ALB: variants seen among roughly 807,000 people sequenced by gnomAD.
ALB encodes the protein serum albumin.
In ALB, 37 loss-of-function variants were observed where a neutral mutation model predicts 74.5. The observed-to-expected ratio is 0.50, with a 90% CI of 0.38 to 0.65. The LOEUF (loss-of-function observed/expected upper bound fraction) is 0.65. Ranked by LOEUF, ALB falls within the 30% of genes least tolerant of loss-of-function variation. ALB has a pLI of 0.00. For missense variants in ALB, 685 were observed against 718.7 expected, an observed-to-expected ratio of 0.95 and a Z score of 0.54; for synonymous variants, 249 against 251.6, an observed-to-expected ratio of 0.99 and a Z score of 0.10.
intron 3 of ALB, among the ~76,000 whole-genome samples, chr4:73,407,672 A>G (rs1718767213): frequency 6.6e-6 from 1 of 152,222 alleles, no homozygotes; most frequent in Non-Finnish European, 1.5e-5. Flanking sequence ...GTGGAATAAT[A>G]GTACAGCTAT....
intron 2 of ALB, among the ~76,000 whole-genome samples, chr4:73,405,954 A>G (rs1004881299): frequency 1.3e-5 from 2 of 151,714 alleles, no homozygotes; most frequent in Admixed American, 1.3e-4. Context: ...ACCTAATCCT[A>G]CAGGCTAATT....
chr4:73,417,725 A>G, intron 11 of ALB, 56 bp downstream of exon 11: 11 of 1,410,916 alleles, frequency 7.8e-6, no homozygotes, highest in Non-Finnish European at 9.6e-6. Flanking sequence ...ACCTTTAGAT[A>G]TTGATAATGC....
chr4:73,418,585 A>T (rs1386445381), intron 12 of ALB, among the ~76,000 whole-genome samples: 2 of 152,244 alleles, frequency 1.3e-5, no homozygotes, highest in East Asian at 1.9e-4. Context: ...GTAGAAAAAG[A>T]TGAACAATTA....
Position 73,415,137 on chromosome 4 carries a change from T to C in ALB, c.1161T>C (p.Ala387=). ...YETTLEKCCA[A]ADPHECYAKV... is the part of the protein sequence containing the mutation. ...CCACTCTAGAGAAGTGCTGTGCCGC[T>C]GCAGATCCTCATGAATGCTATGCCA... The change falls in exon 9 of 15, where the codon GCT becomes GCC. Residue 387 remains alanine (A), a synonymous_variant. Coordinates refer to ENST00000295897, the MANE Select transcript of ALB (RefSeq NM_000477.7). 2 of 1,614,166 alleles carry C rather than the reference T, an allele frequency of 1.2e-6. No individual in the cohort carries two copies. Among genetic ancestry groups the C allele is most frequent in the Non-Finnish European group, 1.7e-6 (2 of 1,180,014 alleles).
chr4:73,420,948 C>T (rs1030053158), intron 14 of ALB, 144 bp from the exon 15 acceptor site: 22 of 524,184 alleles, frequency 4.2e-5, no homozygotes, highest in Non-Finnish European at 6.0e-5. Context: ...ATTCAGCAGC[C>T]GTAAGTCTAG....
At chr4:73,415,413 T>C (rs1378271867) in intron 9 of ALB, 2 of 459,652 alleles carry the variant, frequency 4.4e-6, no homozygotes, top group East Asian at 4.0e-5. Flanking sequence ...TTTTTTTCTC[T>C]TTTTCACAAT....
At chr4:73,418,436 T>G in intron 12 of ALB, 125 bp downstream of exon 12, 2 of 846,434 alleles carry the variant, frequency 2.4e-6, no homozygotes, top group South Asian at 2.9e-5. Flanking sequence ...AGTGTTGCCC[T>G]TATTATGCTG....
intron 3 of ALB, 111 bp from the exon 4 acceptor site, chr4:73,408,483 A>G (rs2149327396): frequency 1.0e-6 from 1 of 962,448 alleles, no homozygotes; most frequent in East Asian, 2.6e-5. Context: ...GCGGATTTTT[A>G]AATGATTTCC....
chr4:73,413,807 A>G (rs971217844), intron 8 of ALB, among the ~76,000 whole-genome samples, 173 bp downstream of exon 8: 4 of 152,192 alleles, frequency 2.6e-5, no homozygotes, highest in Non-Finnish European at 5.9e-5. Context: ...AGTTGAATAC[A>G]TTGTCATAAA....
Position 73,417,565 on chromosome 4 carries a change from G to A in ALB, c.1324G>A (p.Val442Met), listed in dbSNP as rs1257438609. Reference sequence around the variant, plus strand: ...TCGTTACACCAAGAAAGTACCCCAAGTGTCAACTCCAACTCTTGTAGAGGT... The same window carrying A: ...TCGTTACACCAAGAAAGTACCCCAAATGTCAACTCCAACTCTTGTAGAGGT... ...LVRYTKKVPQ[V>M]STPTLVEVSR... The change falls in exon 11 of 15, where the codon GTG becomes ATG. Residue 442 changes from valine to methionine, a missense_variant. Physicochemically the swap from Val to Met is conservative, Grantham distance 21. Transcript: ENST00000295897. The A allele has an allele frequency of 1.2e-6, 2 of 1,613,864 alleles. No individual in the cohort carries two copies. The highest frequency in any genetic ancestry group is 2.2e-5 in the East Asian group (1 of 44,850).
At position 73,421,093 on chromosome 4, in the gene ALB, C is replaced by T. The variant is rs1236737991; in HGVS notation, c.*25C>T. The T allele has an allele frequency of 1.4e-6, 1 of 691,976 alleles. No homozygotes were observed. The highest frequency in any genetic ancestry group is 2.7e-5 in the East Asian group (1 of 36,788). The allele number at this position is 691,976 out of a possible 1,614,324, so 42.9% of individuals were successfully genotyped here. On this transcript the variant is annotated splice_region_variant and 3_prime_UTR_variant, in exon 15 of 15. Coordinates refer to ENST00000295897, the MANE Select transcript of ALB (RefSeq NM_000477.7). ...TATATTTGTCCTTTTGTTTTTCAGC[C>T]TACCATGAGAATAAGAGAAAGAAAA... is the stretch of plus-strand genomic sequence containing the variant.
chr4:73,411,896 T>C (rs1459345274), intron 6 of ALB, 100 bp from the exon 7 acceptor site: 2 of 1,446,864 alleles, frequency 1.4e-6, no homozygotes, highest in Non-Finnish European at 1.9e-6. Flanking sequence ...TATTTCTGTA[T>C]GTCCATTTTG....
chr4:73,416,596 C>T (rs955697494), intron 10 of ALB, among the ~76,000 whole-genome samples: 1 of 151,956 alleles, frequency 6.6e-6, no homozygotes, highest in African/African-American at 2.4e-5. Context: ...AGGGTAAATA[C>T]CAAATCTTGG....
intron 3 of ALB, 77 bp from the exon 4 acceptor site, chr4:73,408,517 A>C: frequency 7.7e-7 from 1 of 1,291,134 alleles, no homozygotes; most frequent in Non-Finnish European, 1.1e-6. Context: ...CCAGTATATT[A>C]AATCCTTTGT....
chr4:73,414,946 T>C (rs573591280), intron 8 of ALB, 89 bp from the exon 9 acceptor site: 1 of 1,518,844 alleles, frequency 6.6e-7, no homozygotes, highest in South Asian at 1.1e-5. Flanking sequence ...TTAAGACTTT[T>C]GGAATATGAG....
chr4:73,420,766 T>C (rs1462043902), intron 14 of ALB: 1 of 307,250 alleles, frequency 3.3e-6, no homozygotes, highest in Non-Finnish European at 6.0e-6. Flanking sequence ...TTCAACCTAA[T>C]AGTTCAACTC....
chr4:73,412,185 C>T (rs1483421016), intron 7 of ALB, 60 bp downstream of exon 7: 19 of 1,599,436 alleles, frequency 1.2e-5, no homozygotes, highest in African/African-American at 4.0e-5. Context: ...AGAATGGATG[C>T]GTTTGGTATC....
rs1719008018 is a variant in ALB at position 73,416,190 on chromosome 4, G to A, written c.1192-66G>A. 3 of 1,223,412 alleles carry A rather than the reference G, an allele frequency of 2.5e-6. No homozygotes were observed. The Admixed American group carries it at 5.3e-5, about 21-fold the overall frequency. The allele number at this position is 1,223,412 out of a possible 1,614,324, so 75.8% of individuals were successfully genotyped here. On this transcript the variant is annotated intron_variant, in intron 9 of 14. Transcript: ENST00000295897. The stretch of plus-strand genomic sequence containing the variant: ...GAAAGGATATCATTCTGACCAGAGG[G>A]GTGAAAAACAACCTGCATCTGATCC...
At chr4:73,412,341 C>A in intron 7 of ALB, 1 of 599,648 alleles carries the variant, frequency 1.7e-6, no homozygotes. Context: ...TGATTTGTAA[C>A]TCCTTTCAGT....
Sources: allele counts gnomAD v4.1 joint callset (sites outside exome capture counted in the v4.1 genomes callset), GRCh38; gene constraint gnomAD v4.1.1; transcripts MANE v1.5; gene names NCBI Gene and HGNC (gene_info 2026-07-23, HGNC 2026-07-21).